Variants in KAZN observed in about 807,000 individuals in gnomAD.
KAZN encodes kazrin, periplakin interacting protein.
KAZN carries 40 observed loss-of-function variants against 87.4 expected under a neutral mutation model. That is an observed-to-expected ratio of 0.46 (90% CI 0.36 to 0.60). The LOEUF (loss-of-function observed/expected upper bound fraction) is 0.60, where lower values mean the gene tolerates loss of function less well. Ranked by LOEUF, KAZN falls within the 20% of genes least tolerant of loss-of-function variation. The pLI, the probability that KAZN is intolerant of heterozygous loss-of-function variation, is 0.00. For synonymous variants in KAZN, 466 were observed against 458.3 expected (o/e 1.02, Z -0.22); for missense variants, 898 against 1,073.9 (o/e 0.84, Z 2.29).
chr1:14,981,592 C>A (rs1309806602), intron 2 of KAZN, among the ~76,000 whole-genome samples: 2 of 152,240 alleles, frequency 1.3e-5, no homozygotes, highest in Non-Finnish European at 2.9e-5. Context: ...GCTGCGGAAG[C>A]AGAGAGATGC....
chr1:15,066,788 C>T lies in KAZN; in HGVS notation c.1222+1035C>T. On this transcript the variant is annotated intron_variant, in intron 8 of 14. Coordinates refer to ENST00000376030, the MANE Select transcript of KAZN (RefSeq NM_201628.3). This position sits in a 1 kb window ranked among gnomAD's most constrained non-coding sequence, Gnocchi z 4.3. The stretch of plus-strand genomic sequence containing the variant: ...AGGGACCATTGGATTTCAAAGCTTG[C>T]TTTTTCTGTTGGTTCTTCTCTCTCC... The T allele has an allele frequency of 1.0e-6, 1 of 985,438 alleles. No homozygotes were observed. The highest frequency in any genetic ancestry group is 1.2e-6 in the Non-Finnish European group (1 of 829,982). 61.0% of individuals were successfully genotyped at this position (985,438 alleles called of 1,614,324 possible).
At chr1:15,001,380 C>G (rs1292484629) in intron 2 of KAZN, among the ~76,000 whole-genome samples, 1 of 151,588 alleles carries the variant, frequency 6.6e-6, no homozygotes, top group East Asian at 1.9e-4. Context: ...GCACGAGAAT[C>G]ACTTGAACCC....
intron 1 of KAZN, among the ~76,000 whole-genome samples, chr1:14,144,008 G>A (rs753879721): frequency 3.4e-4 from 51 of 151,782 alleles, no homozygotes; most frequent in Admixed American, 1.5e-3. Context: ...ATGAGTCACC[G>A]CACCTGGCCA....
At chr1:14,419,511 T>C (rs1052197549) in intron 2 of KAZN, among the ~76,000 whole-genome samples, 1 of 152,190 alleles carries the variant, frequency 6.6e-6, no homozygotes, top group South Asian at 2.1e-4. Context: ...TTAGGCCAGT[T>C]CCCTCTGTGT....
chr1:14,128,641 C>T (rs918553517), intron 1 of KAZN, among the ~76,000 whole-genome samples: 4 of 152,136 alleles, frequency 2.6e-5, no homozygotes, highest in African/African-American at 9.7e-5. Context: ...GCTTAATTTT[C>T]TCTTGAAAGC....
intron 2 of KAZN, among the ~76,000 whole-genome samples, chr1:14,576,388 G>A (rs1371456130): frequency 6.6e-6 from 1 of 151,642 alleles, no homozygotes. Flanking sequence ...TGGCTGGGTG[G>A]ATGGATGGAT....
intron 1 of KAZN, chr1:14,924,240 G>GGGCGGGA: frequency 1.0e-6 from 1 of 981,606 alleles, no homozygotes; most frequent in East Asian, 1.1e-4. Flanking sequence ...GCCGCCGGCC[G>GGGCGGGA]GGCGGGAGGC....
chr1:14,993,117 G>A (rs1036969922), intron 2 of KAZN, among the ~76,000 whole-genome samples: 5 of 149,302 alleles, frequency 3.3e-5, no homozygotes, highest in Non-Finnish European at 7.4e-5. Context: ...GTGAGCCATC[G>A]CGCCCAGTCT....
In KAZN at chr1:13,960,412, T is replaced by G. The variant is rs72639090; in HGVS notation, c.91+66656T>G. ...CTATGGCTTTTATAAGGACATACCT[T>G]AAGTCATGTACGTTCTAGTAATGCC... On this transcript the variant is annotated intron_variant, in intron 1 of 16. Transcript: ENST00000636203. 2.9e-3 allele frequency among the ~76,000 whole-genome samples: 436 copies of G among 152,278 alleles called. 2 individuals carry two copies. The highest frequency in any genetic ancestry group is 5.1e-3 in the Non-Finnish European group (345 of 68,028).
chr1:14,475,475 G>A (rs537387900), intron 2 of KAZN, among the ~76,000 whole-genome samples: 3 of 152,284 alleles, frequency 2.0e-5, no homozygotes, highest in South Asian at 4.1e-4. Flanking sequence ...GTATCGATTT[G>A]CAACTTTCAA....
At chr1:14,559,921 G>T (rs1674153476) in intron 2 of KAZN, among the ~76,000 whole-genome samples, 1 of 152,176 alleles carries the variant, frequency 6.6e-6, no homozygotes, top group African/African-American at 2.4e-5. Flanking sequence ...ACCTAGGGCT[G>T]GTTCAGGGCC....
At chr1:14,875,969 C>A (rs1404949889) in intron 1 of KAZN, among the ~76,000 whole-genome samples, 1 of 152,216 alleles carries the variant, frequency 6.6e-6, no homozygotes, top group Non-Finnish European at 1.5e-5. Context: ...ACAGTTGACA[C>A]CCCCTGCTTC....
chr1:14,696,322 GAACAC>G (rs1159460957), intron 1 of KAZN, among the ~76,000 whole-genome samples: 12 of 152,340 alleles, frequency 7.9e-5, no homozygotes, highest in Non-Finnish European at 1.5e-4. Context: ...CAATTAGTGG[GAACAC>G]CAGCCTGAGG....
intron 1 of KAZN, among the ~76,000 whole-genome samples, chr1:13,996,635 T>C (rs1570481210): frequency 6.6e-6 from 1 of 152,196 alleles, no homozygotes; most frequent in East Asian, 1.9e-4. Flanking sequence ...CTTTCCTCAC[T>C]GGGTGGGGCT....
At chr1:13,970,389 A>G (rs961455608) in intron 1 of KAZN, among the ~76,000 whole-genome samples, 3 of 152,184 alleles carry the variant, frequency 2.0e-5, no homozygotes, top group African/African-American at 7.2e-5. Flanking sequence ...ATATGCTCTT[A>G]TTATTCTCAT....
chr1:13,941,558 G>A (rs915011589), intron 1 of KAZN, among the ~76,000 whole-genome samples: 2 of 152,144 alleles, frequency 1.3e-5, no homozygotes, highest in South Asian at 4.1e-4. Flanking sequence ...AGATGGGATT[G>A]GTGGATTCTG....
chr1:14,589,932 C>A (rs1239647333), intron 2 of KAZN, among the ~76,000 whole-genome samples: 2 of 151,850 alleles, frequency 1.3e-5, no homozygotes, highest in Non-Finnish European at 2.9e-5. Context: ...AGAATGGGGG[C>A]CTGAGTAGAA....
chr1:14,914,472 C>G (rs958973632), intron 1 of KAZN, among the ~76,000 whole-genome samples: 1 of 152,238 alleles, frequency 6.6e-6, no homozygotes, highest in African/African-American at 2.4e-5. Context: ...TACACAGGGG[C>G]TCTTACTCTA....
chr1:14,528,691 G>A (rs1048853609), intron 2 of KAZN, among the ~76,000 whole-genome samples: 1 of 149,072 alleles, frequency 6.7e-6, no homozygotes, highest in Admixed American at 6.7e-5. Context: ...CGAGGTTGCA[G>A]TGGGCCATGA....
Sources: gnomAD v4.1 joint callset for allele counts (sites outside exome capture counted in the v4.1 genomes callset) on GRCh38, gnomAD v4.1.1 for gene constraint, Gnocchi (gnomAD v3.1) non-coding constraint, MANE v1.5 for transcripts, NCBI Gene and HGNC (gene_info 2026-07-23, HGNC 2026-07-21) for gene names.